MTCH2: variants seen among roughly 807,000 people sequenced by gnomAD.
MTCH2 encodes the protein mitochondrial carrier 2, also known as mitochondrial carrier homolog 2.
MTCH2 carries 25 observed loss-of-function variants against 50.6 expected under a neutral mutation model. The ratio of observed to expected loss-of-function variants is 0.49; its 90% confidence interval spans 0.36 to 0.69. The LOEUF is 0.69. MTCH2 is among the 30% of genes least tolerant of loss of function. The pLI, the probability that MTCH2 is intolerant of heterozygous loss-of-function variation, is 0.00. For missense variants in MTCH2, 273 were observed against 384.4 expected (o/e 0.71, Z 2.42); for synonymous variants, 106 against 132.0 (o/e 0.80, Z 1.35).
At chr11:47,613,534 T>C (rs2097286719), downstream of MTCH2, among the ~76,000 whole-genome samples, 1 of 152,200 alleles carries the variant, frequency 6.6e-6, no homozygotes, top group Non-Finnish European at 1.5e-5. Context: ...TACACTGAAC[T>C]AATGGTACCT....
intron 12 of MTCH2, 66 bp from the exon 13 acceptor site, chr11:47,618,985 A>T: frequency 7.0e-7 from 1 of 1,418,830 alleles, no homozygotes. Context: ...AATCCAAATC[A>T]GCAGAGAGGT....
chr11:47,622,676 G>T, intron 12 of MTCH2, 25 bp downstream of exon 12: 2 of 1,475,626 alleles, frequency 1.4e-6, no homozygotes, highest in East Asian at 2.4e-5. Flanking sequence ...AAAATAAAAT[G>T]AGAGAGACAG....
intron 3 of MTCH2, 27 bp from the exon 4 acceptor site, chr11:47,635,598 T>C: frequency 5.6e-6 from 9 of 1,602,270 alleles, no homozygotes; most frequent in Non-Finnish European, 7.7e-6. Flanking sequence ...AAAGGATGAT[T>C]AGGGTTATTA....
downstream of MTCH2, among the ~76,000 whole-genome samples, chr11:47,616,983 C>T (rs772482154): frequency 1.3e-5 from 2 of 152,174 alleles, no homozygotes; most frequent in African/African-American, 4.8e-5. Context: ...TGCGCCCGGT[C>T]GCATGTGTTT....
intron 12 of MTCH2, among the ~76,000 whole-genome samples, chr11:47,622,297 A>G (rs142584271): frequency 3.3e-5 from 5 of 152,352 alleles, no homozygotes; most frequent in East Asian, 3.8e-4. Flanking sequence ...CTCTAGAAGT[A>G]TAAGACCAGC....
rs144285842 is a variant in MTCH2, at chr11:47,629,234, T to C, written c.540-188A>G. ...TCGTTAACACAGCTGTACTTGAAGC[T>C]GATCTCCAGTGACTTTTGTTCCTAT... On this transcript the variant is annotated intron_variant, in intron 8 of 12. Transcript: ENST00000302503. 2.3e-3 allele frequency: 1,275 copies of C among 552,058 alleles called. 3 individuals are homozygous for C. The highest frequency in any genetic ancestry group is 1.0e-2 in the Middle Eastern group (20 of 2,010). 34.2% of individuals were successfully genotyped at this position (552,058 alleles called of 1,614,324 possible).
downstream of MTCH2, among the ~76,000 whole-genome samples, chr11:47,614,120 C>T (rs775520210): frequency 3.3e-5 from 5 of 151,974 alleles, no homozygotes; most frequent in Non-Finnish European, 5.9e-5. Context: ...ATGTGGTTTA[C>T]TGGCTACAAT....
intron 11 of MTCH2, among the ~76,000 whole-genome samples, chr11:47,623,152 T>C (rs1338322036): frequency 1.3e-5 from 2 of 151,536 alleles, no homozygotes; most frequent in African/African-American, 4.9e-5. Context: ...AGGTGGATCA[T>C]TTGAGGTCAG....
chr11:47,619,173 G>A (rs976076663), intron 12 of MTCH2, among the ~76,000 whole-genome samples: 1 of 152,198 alleles, frequency 6.6e-6, no homozygotes, highest in Admixed American at 6.5e-5. Flanking sequence ...CTTTCCAGCT[G>A]GCTTAGCAAA....
At chr11:47,620,745 T>A (rs1481086702) in intron 12 of MTCH2, among the ~76,000 whole-genome samples, 2 of 152,210 alleles carry the variant, frequency 1.3e-5, no homozygotes, top group Non-Finnish European at 2.9e-5. Flanking sequence ...CCTTCCCAAA[T>A]ATAGGCCATG....
At chr11:47,613,901 T>A (rs1003543750), downstream of MTCH2, among the ~76,000 whole-genome samples, 2 of 152,008 alleles carry the variant, frequency 1.3e-5, no homozygotes, top group Non-Finnish European at 2.9e-5. Flanking sequence ...CTAGCCAACA[T>A]GGTGAAAGCC....
At chr11:47,634,555 G>A in intron 5 of MTCH2, 117 bp downstream of exon 5, 1 of 731,354 alleles carries the variant, frequency 1.4e-6, no homozygotes. Context: ...TTAATTTGAA[G>A]GTTTAATTTC....
At chr11:47,630,750 C>G (rs2097302287) in intron 7 of MTCH2, 136 bp from the exon 8 acceptor site, 1 of 816,952 alleles carries the variant, frequency 1.2e-6, no homozygotes, top group African/African-American at 1.7e-5. Flanking sequence ...CTCTCTCACT[C>G]TGCAAAGATA....
Position 47,629,024 on chromosome 11 carries a change from C to T in MTCH2, c.562G>A (p.Gly188Ser). 1 of 1,613,794 alleles carries T rather than the reference C, an allele frequency of 6.2e-7. No individual in the cohort carries two copies. The highest frequency in any genetic ancestry group is 2.2e-5 in the East Asian group (1 of 44,864). ...FFAGLVPRLL[G>S]DILSLWLCNS... is the part of the protein sequence containing the mutation. ...CACAGCCACAAAGAAAGGATGTCAC[C>T]TAGAAGGCGAGGAACAAGACCCCTA... Residue 188 changes from glycine to serine, a missense_variant, in exon 9 of 13, where the codon GGT becomes AGT. By Grantham distance (56) the Gly-to-Ser change is moderately conservative. Transcript: ENST00000302503.
At chr11:47,613,116 TAGGCTGGTCTCA>T (rs1346736666), downstream of MTCH2, among the ~76,000 whole-genome samples, 2 of 151,872 alleles carry the variant, frequency 1.3e-5, no homozygotes, top group African/African-American at 4.8e-5. Context: ...CTATGTTGTC[TAGGCTGGTCTCA>T]AACTCCAGAA....
chr11:47,609,155 A>AAAAAAG, the MTCH2 span, among the ~76,000 whole-genome samples: 1 of 146,774 alleles, frequency 6.8e-6, no homozygotes, highest in Non-Finnish European at 1.5e-5. Context: ...AAGAAAAAAG[A>AAAAAAG]AAAAAAAATC....
At chr11:47,612,693 AG>A (rs2097286279), downstream of MTCH2, among the ~76,000 whole-genome samples, 1 of 151,798 alleles carries the variant, frequency 6.6e-6, no homozygotes, top group Non-Finnish European at 1.5e-5. Flanking sequence ...ACTACACTTC[AG>A]TCCAGCCTGG....
the MTCH2 span, among the ~76,000 whole-genome samples, chr11:47,611,629 C>T: frequency 2.0e-5 from 3 of 152,178 alleles, no homozygotes; most frequent in Admixed American, 1.3e-4. Flanking sequence ...GGAGAGAGGA[C>T]AAGATTTGTT....
chr11:47,626,489 C>A (rs941681831), intron 10 of MTCH2, among the ~76,000 whole-genome samples: 1 of 151,896 alleles, frequency 6.6e-6, no homozygotes, highest in African/African-American at 2.4e-5. Context: ...AATATTATTT[C>A]GGAGGAAAGG....
Sources: allele counts gnomAD v4.1 joint callset (sites outside exome capture counted in the v4.1 genomes callset), GRCh38; gene constraint gnomAD v4.1.1; transcripts MANE v1.5; gene names NCBI Gene and HGNC (gene_info 2026-07-23, HGNC 2026-07-21).